The following RASSF2 variants were observed in gnomAD, a reference collection of about 807,000 sequenced individuals.
RASSF2 encodes the protein Ras association domain family member 2.
Under a neutral mutation model 46.3 loss-of-function variants are expected in RASSF2, and 34 were observed. The observed-to-expected ratio is 0.73, with a 90% CI of 0.56 to 0.98. The LOEUF (loss-of-function observed/expected upper bound fraction) is 0.98, where lower values mean the gene tolerates loss of function less well. Among genes scored for constraint, RASSF2 ranks in the 50% least tolerant of loss-of-function variants. The probability of loss-of-function intolerance (pLI) is 0.00; values close to 1 mark genes in which losing one functional copy is unlikely to be tolerated. For synonymous variants in RASSF2, 158 were observed against 162.5 expected (o/e 0.97, Z 0.21); for missense variants, 364 against 431.2 (o/e 0.84, Z 1.38).
At chr20:4,813,582 T>A (rs1885302) in intron 2 of RASSF2, among the ~76,000 whole-genome samples, 1 of 152,156 alleles carries the variant, frequency 6.6e-6, no homozygotes, top group African/African-American at 2.4e-5. Flanking sequence ...GAAGCCCCAC[T>A]GGCATCCACA....
chr20:4,811,248 G>GGT (rs1927780254), intron 2 of RASSF2, among the ~76,000 whole-genome samples: 6 of 152,206 alleles, frequency 3.9e-5, no homozygotes, highest in Admixed American at 6.5e-5. Flanking sequence ...CTACTCAGGA[G>GGT]GCTGAGATAG....
chr20:4,813,133 C>G (rs563732768), intron 2 of RASSF2, among the ~76,000 whole-genome samples: 1 of 152,128 alleles, frequency 6.6e-6, no homozygotes, highest in Non-Finnish European at 1.5e-5. Flanking sequence ...TCACAGGCCC[C>G]GCAGACCATC....
intron 1 of RASSF2, among the ~76,000 whole-genome samples, chr20:4,822,856 G>C (rs1437619484): frequency 6.6e-6 from 1 of 152,096 alleles, no homozygotes; most frequent in Non-Finnish European, 1.5e-5. Flanking sequence ...GACTGGGGTC[G>C]GGCACTCTCC....
chr20:4,821,209 G>C (rs1213910209), intron 2 of RASSF2, among the ~76,000 whole-genome samples: 3 of 152,112 alleles, frequency 2.0e-5, no homozygotes, highest in African/African-American at 4.8e-5. Context: ...CAAGGTGTAG[G>C]GTTGTCCGCC....
Position 4,798,006 on chromosome 20 carries a change from T to C in RASSF2, c.135+4A>G. 1.2e-6 allele frequency: 2 copies of C among 1,613,694 alleles called. No homozygotes were observed. The highest frequency in any genetic ancestry group is 1.7e-6 in the Non-Finnish European group (2 of 1,179,816). ...AATCAGGGCCGTCCCTGGGGACTCC[T>C]TACCTCCCGGTGCCGGAGCTGTAAA... On this transcript the variant is annotated splice_donor_region_variant and intron_variant, in intron 4 of 11. Coordinates refer to ENST00000379400, the MANE Select transcript of RASSF2 (RefSeq NM_014737.3).
At chr20:4,794,595 G>C (rs1450695396) in intron 5 of RASSF2, among the ~76,000 whole-genome samples, 1 of 151,804 alleles carries the variant, frequency 6.6e-6, no homozygotes, top group East Asian at 1.9e-4. Flanking sequence ...TATAGTCCCA[G>C]CTGCTGGGGA....
chr20:4,788,002 C>A (rs75689618), intron 9 of RASSF2, among the ~76,000 whole-genome samples: 256 of 152,170 alleles, frequency 1.7e-3, no homozygotes, highest in African/African-American at 6.0e-3. Flanking sequence ...AATCTAGTTC[C>A]TCTTTTAATA....
chr20:4,813,543 G>A (rs1928025208), intron 2 of RASSF2, among the ~76,000 whole-genome samples: 1 of 152,256 alleles, frequency 6.6e-6, no homozygotes, highest in African/African-American at 2.4e-5. Context: ...TGGCCTCGCA[G>A]ACCGGAGGAG....
intron 2 of RASSF2, among the ~76,000 whole-genome samples, chr20:4,814,182 T>A (rs917623298): frequency 6.6e-6 from 1 of 152,272 alleles, no homozygotes; most frequent in Admixed American, 6.5e-5. Flanking sequence ...GAGGCCACCC[T>A]GCAGGGAGGG....
In RASSF2 at chr20:4,795,671, G is replaced by T; in HGVS notation, c.287+144C>A. 9.8e-7 allele frequency: 1 copy of T among 1,017,828 alleles called. No homozygotes were observed. Among genetic ancestry groups the T allele is most frequent in the Non-Finnish European group, 1.4e-6 (1 of 707,590 alleles). The allele number at this position is 1,017,828 out of a possible 1,614,324, so 63.0% of individuals were successfully genotyped here. ...ATCTGCTGCTTGTTCCTCATTCCAAGGCTAAGGCAGGTGGGCAGTAGAGGT... is the reference window on the plus strand; with the variant it reads ...ATCTGCTGCTTGTTCCTCATTCCAATGCTAAGGCAGGTGGGCAGTAGAGGT... On this transcript the variant is annotated intron_variant, in intron 5 of 11. Coordinates refer to ENST00000379400, the MANE Select transcript of RASSF2 (RefSeq NM_014737.3). The surrounding 1 kb of genome is among the most constrained non-coding windows in gnomAD (Gnocchi z 4.0).
rs781145710 is a variant in RASSF2, at chr20:4,795,978, G to T, written c.136-12C>A. On this transcript the variant is annotated splice_polypyrimidine_tract_variant and intron_variant, in intron 4 of 11. Transcript: ENST00000379400. The surrounding 1 kb of genome is among the most constrained non-coding windows in gnomAD (Gnocchi z 4.0). The stretch of plus-strand genomic sequence containing the variant: ...AACTCGTCTTCTTCCTGCCCACAAA[G>T]CAATCAGAGTAGTGAGCCTAGAAAA... The T allele has an allele frequency of 3.3e-6, 5 of 1,506,784 alleles. No individual in the cohort carries two copies. Among genetic ancestry groups the T allele is most frequent in the Non-Finnish European group, 4.5e-6 (5 of 1,121,658 alleles). The allele number at this position is 1,506,784 out of a possible 1,614,324, so 93.3% of individuals were successfully genotyped here. A position where few individuals can be genotyped will look rare whatever the true frequency, so the allele number is the denominator to read the frequency against.
intron 2 of RASSF2, among the ~76,000 whole-genome samples, chr20:4,819,137 A>AT (rs1304737795): frequency 4.6e-5 from 7 of 151,636 alleles, no homozygotes; most frequent in Middle Eastern, 3.2e-3. Context: ...TAATTTTCGT[A>AT]TTTTCAGTAG....
intron 2 of RASSF2, among the ~76,000 whole-genome samples, chr20:4,813,964 C>G (rs1318081133): frequency 6.6e-6 from 1 of 152,140 alleles, no homozygotes; most frequent in Non-Finnish European, 1.5e-5. Flanking sequence ...CCAGTTCAAC[C>G]AAGTGAGACA....
chr20:4,817,605 C>A (rs1928408034), intron 2 of RASSF2, among the ~76,000 whole-genome samples: 1 of 152,130 alleles, frequency 6.6e-6, no homozygotes, highest in Non-Finnish European at 1.5e-5. Flanking sequence ...AAGGGACCAT[C>A]CGTTCCAAAA....
At position 4,812,396 on chromosome 20, in the gene RASSF2, G is replaced by A. The variant is rs532462570; in HGVS notation, c.-33+9933C>T. Among the ~76,000 whole-genome samples, 47 of 152,338 alleles carry A rather than the reference G, an allele frequency of 3.1e-4. No homozygotes were observed. The highest frequency in any genetic ancestry group is 1.2e-3 in the South Asian group (6 of 4,830). Reference sequence around the variant, plus strand: ...CCAAAGACACACAGCTAGAAGGGGCGGAGCTGAGGCTCAAATCCAGGGCGG... The same window carrying A: ...CCAAAGACACACAGCTAGAAGGGGCAGAGCTGAGGCTCAAATCCAGGGCGG... On this transcript the variant is annotated intron_variant, in intron 2 of 11. Transcript: ENST00000379400. This position sits in a 1 kb window ranked among gnomAD's most constrained non-coding sequence, Gnocchi z 4.0.
chr20:4,799,638 G>T (rs868071609), intron 3 of RASSF2, among the ~76,000 whole-genome samples: 6 of 152,220 alleles, frequency 3.9e-5, no homozygotes, highest in Non-Finnish European at 8.8e-5. Context: ...ACAAAAGGCC[G>T]TTTGGTACTT....
At chr20:4,787,508 G>A (rs1925460639) in intron 10 of RASSF2, 125 bp downstream of exon 10, 2 of 1,191,878 alleles carry the variant, frequency 1.7e-6, no homozygotes, top group Admixed American at 4.3e-5. Flanking sequence ...AGAGAACCTG[G>A]TGCTGAAGAA....
At chr20:4,816,210 G>A (rs7271897) in intron 2 of RASSF2, among the ~76,000 whole-genome samples, 69,125 of 151,868 alleles carry the variant, frequency 0.46, 16,905 homozygotes, top group Non-Finnish European at 0.55. Flanking sequence ...CTGAGGTGAG[G>A]TGGGAGGATG....
rs2072595383 is a variant in RASSF2 at position 4,782,446 on chromosome 20, T to A, written c.*1827A>T. 6.5e-6 allele frequency: 1 copy of A among 152,690 alleles called. No individual in the cohort carries two copies. Among genetic ancestry groups the A allele is most frequent in the Non-Finnish European group, 1.5e-5 (1 of 68,048 alleles). 9.5% of individuals were successfully genotyped at this position (152,690 alleles called of 1,614,324 possible). ...GGAAGCCTCTCCCGGTGGCTACTCT[T>A]TGTCTTCTTACCCCAGTTCTGTGCA... is the stretch of plus-strand genomic sequence containing the variant. On this transcript the variant is annotated 3_prime_UTR_variant, in exon 12 of 12. Transcript: ENST00000379400.
Sources: gnomAD v4.1 joint callset for allele counts (sites outside exome capture counted in the v4.1 genomes callset) on GRCh38, gnomAD v4.1.1 for gene constraint, Gnocchi (gnomAD v3.1) non-coding constraint, MANE v1.5 for transcripts, NCBI Gene and HGNC (gene_info 2026-07-23, HGNC 2026-07-21) for gene names.